The following ASTN2 variants were observed in gnomAD, a reference collection of about 807,000 sequenced individuals.
The protein encoded by ASTN2 is astrotactin-2.
In ASTN2, 54 loss-of-function variants were observed where a neutral mutation model predicts 139.8. The observed-to-expected ratio is 0.39, with a 90% confidence interval of 0.31 to 0.48. The LOEUF is 0.48. Among genes scored for constraint, ASTN2 ranks in the 20% least tolerant of loss-of-function variants. ASTN2 has a pLI of 0.95. For synonymous variants in ASTN2, 756 were observed against 719.5 expected (o/e 1.05, Z -0.81); for missense variants, 1,565 against 1,725.1 (o/e 0.91, Z 1.64).
chr9:117,120,421 C>G (rs4531122), intron 4 of ASTN2, among the ~76,000 whole-genome samples: 53,903 of 151,926 alleles, frequency 0.35, 10,280 homozygotes, highest in Non-Finnish European at 0.43. Flanking sequence ...CTCCTCTAGG[C>G]CTTCCTCAGA....
intron 6 of ASTN2, among the ~76,000 whole-genome samples, chr9:117,011,159 C>T (rs537086113): frequency 4.1e-4 from 62 of 152,256 alleles, no homozygotes; most frequent in East Asian, 1.9e-4. Context: ...AAATGCAATA[C>T]CAGTAAACAG....
intron 19 of ASTN2, chr9:116,568,419 G>A (rs780225107): frequency 7.2e-5 from 11 of 152,056 alleles, no homozygotes; most frequent in Non-Finnish European, 1.5e-4. Flanking sequence ...AAAAGCGAGG[G>A]AGAAAATTCA....
chr9:116,942,276 G>A (rs374689577), intron 10 of ASTN2, among the ~76,000 whole-genome samples: 11 of 152,046 alleles, frequency 7.2e-5, no homozygotes, highest in South Asian at 2.1e-4. Flanking sequence ...GCTAACCACC[G>A]TCTCAGCCCA....
intron 17 of ASTN2, among the ~76,000 whole-genome samples, chr9:116,630,845 G>C (rs1048868061): frequency 6.6e-6 from 1 of 150,990 alleles, no homozygotes; most frequent in African/African-American, 2.5e-5. Context: ...ATATATAATA[G>C]CAAAAAAATC....
chr9:116,650,984 C>T (rs1356300086), intron 17 of ASTN2, among the ~76,000 whole-genome samples: 6 of 151,394 alleles, frequency 4.0e-5, no homozygotes, highest in Admixed American at 1.3e-4. Context: ...GGCACGATCT[C>T]GGCTCACTGC....
chr9:116,883,491 T>A (rs1186473226), intron 10 of ASTN2, among the ~76,000 whole-genome samples: 1 of 152,188 alleles, frequency 6.6e-6, no homozygotes, highest in Non-Finnish European at 1.5e-5. Flanking sequence ...TTCACATCCC[T>A]CTTTCCTCAC....
chr9:117,401,067 T>C (rs906832301), intron 1 of ASTN2, among the ~76,000 whole-genome samples: 1 of 152,190 alleles, frequency 6.6e-6, no homozygotes, highest in Non-Finnish European at 1.5e-5. Flanking sequence ...ATGTACTAAG[T>C]GCCGGGTACT....
At chr9:116,847,030 AAAAC>A (rs1832456662) in intron 11 of ASTN2, among the ~76,000 whole-genome samples, 2 of 145,368 alleles carry the variant, frequency 1.4e-5, no homozygotes. Flanking sequence ...AAAAAAACAA[AAAAC>A]AAAAAACAAA....
rs1306397698 is a variant in ASTN2, at chr9:117,120,018, G to GTGTGTGTGTATA, written c.1168+21307_1168+21308insTATACACACACA. Among the ~76,000 whole-genome samples, 105 of 45,982 alleles carry GTGTGTGTGTATA rather than the reference G, an allele frequency of 2.3e-3. 2 individuals carry two copies. The highest frequency in any genetic ancestry group is 3.4e-3 in the African/African-American group (42 of 12,182). The allele number at this position is 45,982 out of a possible 152,430, so 30.2% of individuals were successfully genotyped here. On this transcript the variant is annotated intron_variant, in intron 4 of 22. Coordinates refer to ENST00000313400, the MANE Select transcript of ASTN2 (RefSeq NM_001365068.1). ...TGTGTGTGTGTGTGTGTGTGTGTGT[G>GTGTGTGTGTATA]TATATATATATATATATATATATAT...
intron 17 of ASTN2, among the ~76,000 whole-genome samples, chr9:116,636,181 G>A (rs1490298091): frequency 2.0e-5 from 3 of 152,162 alleles, no homozygotes; most frequent in African/African-American, 7.2e-5. Context: ...CTGAGCGTCA[G>A]TCTCCTTTAG....
intron 20 of ASTN2, among the ~76,000 whole-genome samples, chr9:116,450,430 A>C (rs1438841908): frequency 6.6e-6 from 1 of 152,226 alleles, no homozygotes; most frequent in East Asian, 1.9e-4. Flanking sequence ...TACAGTTAGG[A>C]TCAGAGAGTT....
intron 12 of ASTN2, among the ~76,000 whole-genome samples, chr9:116,815,596 G>C (rs1831291015): frequency 6.6e-6 from 1 of 151,586 alleles, no homozygotes; most frequent in Non-Finnish European, 1.5e-5. Flanking sequence ...ACGAGGTCAG[G>C]AGATCGAGAC....
intron 16 of ASTN2, among the ~76,000 whole-genome samples, chr9:116,652,933 A>G (rs1228060133): frequency 6.6e-6 from 1 of 152,074 alleles, no homozygotes; most frequent in Non-Finnish European, 1.5e-5. Context: ...GCCTCTCCAC[A>G]TCTCTTCTAT....
At chr9:117,142,065 G>A (rs531017771) in intron 3 of ASTN2, among the ~76,000 whole-genome samples, 3 of 152,296 alleles carry the variant, frequency 2.0e-5, no homozygotes, top group East Asian at 3.9e-4. Flanking sequence ...AAACGAGAAG[G>A]AGCACGGATG....
intron 1 of ASTN2, among the ~76,000 whole-genome samples, chr9:117,339,839 A>G (rs1190703881): frequency 6.6e-6 from 1 of 151,850 alleles, no homozygotes; most frequent in East Asian, 1.9e-4. Context: ...TCTGAGGACC[A>G]CATGCTAATC....
intron 13 of ASTN2, among the ~76,000 whole-genome samples, chr9:116,771,892 T>A (rs922748022): frequency 1.3e-5 from 2 of 152,124 alleles, no homozygotes; most frequent in African/African-American, 2.4e-5. Context: ...AGAGAACATC[T>A]AGGGTACATG....
intron 2 of ASTN2, 45 bp from the exon 3 acceptor site, chr9:117,214,787 G>A (rs764598783): frequency 2.1e-6 from 3 of 1,431,088 alleles, no homozygotes; most frequent in Non-Finnish European, 2.7e-6. Flanking sequence ...CTGTTCTTTG[G>A]AATCGAGGGC....
intron 19 of ASTN2, among the ~76,000 whole-genome samples, chr9:116,562,511 C>T (rs565639214): frequency 2.6e-5 from 4 of 151,496 alleles, no homozygotes; most frequent in Admixed American, 2.0e-4. Flanking sequence ...CCTAGGCGGG[C>T]GGATCACCTG....
chr9:116,914,650 C>T (rs188974585), intron 10 of ASTN2, among the ~76,000 whole-genome samples: 66 of 151,740 alleles, frequency 4.3e-4, no homozygotes, highest in Middle Eastern at 3.4e-3. Context: ...CAGATCTTCA[C>T]ATCTGAGGCT....
Sources: allele counts gnomAD v4.1 joint callset (sites outside exome capture counted in the v4.1 genomes callset), GRCh38; gene constraint gnomAD v4.1.1; transcripts MANE v1.5; gene names NCBI Gene and HGNC (gene_info 2026-07-23, HGNC 2026-07-21).